NCAM2: variants seen among roughly 807,000 people sequenced by gnomAD.
The protein encoded by NCAM2 is N-CAM-2.
Under a neutral mutation model 98.1 loss-of-function variants are expected in NCAM2, and 30 were observed. That is an observed-to-expected ratio of 0.31 (90% CI 0.23 to 0.41). The LOEUF (loss-of-function observed/expected upper bound fraction) is 0.41, where lower values mean the gene tolerates loss of function less well. Ranked by LOEUF, NCAM2 falls within the 10% of genes least tolerant of loss-of-function variation. The pLI is 1.00. For missense variants in NCAM2, 867 were observed against 1,005.8 expected, an observed-to-expected ratio of 0.86 and a Z score of 1.87; for synonymous variants, 368 against 342.4, an observed-to-expected ratio of 1.07 and a Z score of -0.83.
chr21:21,473,415 TCA>T (rs1327851349), intron 14 of NCAM2, among the ~76,000 whole-genome samples: 1 of 147,110 alleles, frequency 6.8e-6, no homozygotes, highest in Non-Finnish European at 1.5e-5. Context: ...TCCAGACTGA[TCA>T]ATCACCTCTC....
At chr21:21,285,823 A>C (rs2073076598) in intron 3 of NCAM2, among the ~76,000 whole-genome samples, 1 of 151,932 alleles carries the variant, frequency 6.6e-6, no homozygotes, top group African/African-American at 2.4e-5. Flanking sequence ...AAAATAAATT[A>C]CCTGGGGTAG....
At chr21:21,295,829 G>C (rs550161750) in intron 5 of NCAM2, among the ~76,000 whole-genome samples, 1 of 149,156 alleles carries the variant, frequency 6.7e-6, no homozygotes, top group African/African-American at 2.5e-5. Context: ...TAGTGCTTTT[G>C]TCTGTTTCTC....
chr21:21,249,880 C>T (rs1176836931), intron 1 of NCAM2, among the ~76,000 whole-genome samples: 2 of 152,038 alleles, frequency 1.3e-5, no homozygotes, highest in African/African-American at 2.4e-5. Context: ...TAAAATATGA[C>T]GTCTGATTTA....
intron 6 of NCAM2, among the ~76,000 whole-genome samples, chr21:21,333,456 A>C (rs1250858701): frequency 6.6e-6 from 1 of 152,206 alleles, no homozygotes; most frequent in Non-Finnish European, 1.5e-5. Context: ...TGGAATCTGC[A>C]TTAACCTCTA....
At chr21:21,097,491 A>AT (rs1377657735) in intron 1 of NCAM2, among the ~76,000 whole-genome samples, 1 of 151,680 alleles carries the variant, frequency 6.6e-6, no homozygotes, top group East Asian at 1.9e-4. Context: ...AAAACTACAT[A>AT]TTTTTTTAAC....
At chr21:21,123,992 C>T (rs187541488) in intron 1 of NCAM2, among the ~76,000 whole-genome samples, 84 of 151,718 alleles carry the variant, frequency 5.5e-4, no homozygotes, top group African/African-American at 1.8e-3. Flanking sequence ...GGACTGTAGG[C>T]GCCCGCCAGC....
At chr21:21,089,280 T>C (rs1187437725) in intron 1 of NCAM2, among the ~76,000 whole-genome samples, 3 of 152,162 alleles carry the variant, frequency 2.0e-5, no homozygotes, top group Non-Finnish European at 4.4e-5. Flanking sequence ...ATTATTTTTA[T>C]TATTGAAAAA....
intron 15 of NCAM2, among the ~76,000 whole-genome samples, chr21:21,498,921 A>G (rs1987437879): frequency 6.6e-6 from 1 of 152,136 alleles, no homozygotes; most frequent in Non-Finnish European, 1.5e-5. Context: ...AAAATCCAGT[A>G]TCTCCTTATC....
intron 6 of NCAM2, among the ~76,000 whole-genome samples, chr21:21,331,541 TATAC>T (rs373370385): frequency 5.7e-5 from 2 of 34,880 alleles, no homozygotes; most frequent in Non-Finnish European, 1.3e-4. Flanking sequence ...ATATACTCTA[TATAC>T]ATATATATAT....
intron 1 of NCAM2, among the ~76,000 whole-genome samples, chr21:21,048,727 A>T (rs2065046281): frequency 6.6e-6 from 1 of 151,992 alleles, no homozygotes. Context: ...TACTCCAACC[A>T]CCTGGGGCAC....
Position 21,338,508 on chromosome 21 carries a change from G to A in NCAM2, c.1018G>A (p.Gly340Ser). 1 of 1,611,450 alleles carries A rather than the reference G, an allele frequency of 6.2e-7. No individual in the cohort carries two copies. Among genetic ancestry groups the A allele is most frequent in the Non-Finnish European group, 8.5e-7 (1 of 1,178,900 alleles). Residue 340 changes from glycine (G) to serine (S), a missense_variant, in exon 8 of 18, where the codon GGC (glycine) becomes AGC (serine). Transcript: ENST00000400546. Reference protein sequence around the residue: ...PEITWKRAVDGFTFTEGDKSL... With the variant: ...PEITWKRAVDSFTFTEGDKSL... ...AATCACTTGGAAAAGAGCTGTGGAT[G>A]GCTTCACGTTCACTGAAGGCGATAA...
intron 12 of NCAM2, among the ~76,000 whole-genome samples, chr21:21,455,181 C>G (rs1045014161): frequency 7.8e-6 from 1 of 128,680 alleles, no homozygotes; most frequent in South Asian, 2.4e-4. Flanking sequence ...ATCTTCCACT[C>G]AGAGTCCTTT....
intron 16 of NCAM2, among the ~76,000 whole-genome samples, chr21:21,514,147 T>A (rs940800127): frequency 5.3e-5 from 8 of 150,730 alleles, no homozygotes; most frequent in Non-Finnish European, 1.0e-4. Flanking sequence ...ATTAAATTTA[T>A]ATTTATAATA....
At chr21:21,438,584 C>T (rs900091226) in intron 12 of NCAM2, among the ~76,000 whole-genome samples, 1 of 152,106 alleles carries the variant, frequency 6.6e-6, no homozygotes, top group Non-Finnish European at 1.5e-5. Context: ...CAGTGTGACT[C>T]TTCATTTTGA....
At chr21:21,278,325 A>G (rs1488570147) in intron 1 of NCAM2, among the ~76,000 whole-genome samples, 1 of 152,132 alleles carries the variant, frequency 6.6e-6, no homozygotes, top group Non-Finnish European at 1.5e-5. Flanking sequence ...TATAAGGGCA[A>G]TCTCAAATTT....
At chr21:20,999,866 C>A (rs1482808596) in intron 1 of NCAM2, among the ~76,000 whole-genome samples, 2 of 152,146 alleles carry the variant, frequency 1.3e-5, no homozygotes, top group Non-Finnish European at 2.9e-5. Context: ...GGATGTGAAG[C>A]CTTCCTTTTT....
At chr21:21,372,816 T>A (rs547696454) in intron 8 of NCAM2, among the ~76,000 whole-genome samples, 199 of 151,878 alleles carry the variant, frequency 1.3e-3, no homozygotes, top group African/African-American at 4.7e-3. Context: ...TGCAAACATT[T>A]TTACTAATAA....
At chr21:21,008,863 C>T (rs1487584321) in intron 1 of NCAM2, among the ~76,000 whole-genome samples, 1 of 152,134 alleles carries the variant, frequency 6.6e-6, no homozygotes, top group African/African-American at 2.4e-5. Flanking sequence ...CTCTCAGCCT[C>T]ATTGCTCATT....
Position 21,078,658 on chromosome 21 carries a change from C to T in NCAM2, c.55+80040C>T, listed in dbSNP as rs149446277. Among the ~76,000 whole-genome samples the T allele has an allele frequency of 2.5e-3, 378 of 152,254 alleles. 2 individuals are homozygous for T. The highest frequency in any genetic ancestry group is 6.8e-3 in the Middle Eastern group (2 of 294). On this transcript the variant is annotated intron_variant, in intron 1 of 17. Coordinates refer to ENST00000400546, the MANE Select transcript of NCAM2 (RefSeq NM_004540.5). ...CCTCTGGGATCTAGACCAGCAATACCATTTGACCCAGCAATCCCATCACTG... is the reference window on the plus strand; with the variant it reads ...CCTCTGGGATCTAGACCAGCAATACTATTTGACCCAGCAATCCCATCACTG...
Sources: gnomAD v4.1 joint callset for allele counts (sites outside exome capture counted in the v4.1 genomes callset) on GRCh38, gnomAD v4.1.1 for gene constraint, MANE v1.5 for transcripts, NCBI Gene and HGNC (gene_info 2026-07-23, HGNC 2026-07-21) for gene names.